The following DPP6 variants were observed in gnomAD, a reference collection of about 807,000 sequenced individuals.
DPP6 encodes A-type potassium channel modulatory protein DPP6.
In DPP6, 69 loss-of-function variants were observed where a neutral mutation model predicts 122.6. That is an observed-to-expected ratio of 0.56 (90% CI 0.46 to 0.69). The LOEUF (loss-of-function observed/expected upper bound fraction) is 0.69. DPP6 is among the 30% of genes least tolerant of loss of function. The pLI is 0.00. For missense variants in DPP6, 928 were observed against 1,116.9 expected (o/e 0.83, Z 2.41); for synonymous variants, 418 against 433.1 (o/e 0.97, Z 0.43).
chr7:154,490,340 C>T (rs1015055818), intron 3 of DPP6, among the ~76,000 whole-genome samples: 1 of 152,194 alleles, frequency 6.6e-6, no homozygotes, highest in Non-Finnish European at 1.5e-5. Flanking sequence ...CAAGATCAGC[C>T]CAGCTCATTA....
chr7:154,422,382 G>A (rs916791880), intron 1 of DPP6, among the ~76,000 whole-genome samples: 8 of 152,160 alleles, frequency 5.3e-5, no homozygotes, highest in African/African-American at 1.9e-4. Flanking sequence ...ATGTGGGTGG[G>A]AACTAGGATA....
intron 1 of DPP6, among the ~76,000 whole-genome samples, chr7:154,056,741 T>G (rs1436182875): frequency 6.6e-6 from 1 of 152,244 alleles, no homozygotes; most frequent in Non-Finnish European, 1.5e-5. Flanking sequence ...CAACCCATTT[T>G]TTTCCTCCAC....
intron 1 of DPP6, among the ~76,000 whole-genome samples, chr7:154,037,271 A>G (rs1799582163): frequency 6.6e-6 from 1 of 152,154 alleles, no homozygotes; most frequent in Non-Finnish European, 1.5e-5. Flanking sequence ...TTTATATTCT[A>G]TGAATTTACT....
chr7:154,018,074 G>A (rs1407611660), intron 1 of DPP6, among the ~76,000 whole-genome samples: 1 of 152,062 alleles, frequency 6.6e-6, no homozygotes, highest in Non-Finnish European at 1.5e-5. Flanking sequence ...AACCAGCTGG[G>A]CACTCAGGGT....
the DPP6 span, among the ~76,000 whole-genome samples, chr7:153,827,553 GC>G: frequency 1.3e-5 from 2 of 152,118 alleles, no homozygotes; most frequent in African/African-American, 4.8e-5. Context: ...TAGTTGAGAG[GC>G]TGACACAAAA....
At chr7:154,652,752 G>T (rs554734940) in intron 6 of DPP6, among the ~76,000 whole-genome samples, 1 of 152,160 alleles carries the variant, frequency 6.6e-6, no homozygotes, top group Admixed American at 6.5e-5. Context: ...TCTTCTGCAT[G>T]TTTTTCACAC....
intron 6 of DPP6, among the ~76,000 whole-genome samples, chr7:154,668,950 C>T (rs118189482): frequency 0.011 from 1,615 of 152,238 alleles, 16 homozygotes; most frequent in Non-Finnish European, 0.016. Flanking sequence ...TCATAATGAC[C>T]TGCGTTATAC....
chr7:154,657,031 T>G lies in DPP6; in HGVS notation c.681-12329T>G, dbSNP rs1298594732. On this transcript the variant is annotated intron_variant, in intron 6 of 25. Coordinates refer to ENST00000377770, the MANE Select transcript of DPP6 (RefSeq NM_130797.4). ...GGTGCCCAGAGATGAGTGGAGAGGC[T>G]GCGTGGGAGGAGGTGCTCATGGGTG... Among the ~76,000 whole-genome samples, 8 of 111,552 alleles carry G rather than the reference T, an allele frequency of 7.2e-5. 2 individuals are homozygous for G. The highest frequency in any genetic ancestry group is 3.7e-4 in the African/African-American group (8 of 21,742). 73.2% of individuals were successfully genotyped at this position (111,552 alleles called of 152,430 possible).
chr7:153,887,800 A>C, intron 1 of DPP6: 2 of 1,567,502 alleles, frequency 1.3e-6, no homozygotes, highest in Non-Finnish European at 1.7e-6. Flanking sequence ...ATGCTGGGGG[A>C]GGTCTGTCCT....
At chr7:153,942,751 ACT>A (rs1801757052) in intron 1 of DPP6, among the ~76,000 whole-genome samples, 1 of 152,044 alleles carries the variant, frequency 6.6e-6, no homozygotes, top group Non-Finnish European at 1.5e-5. Context: ...GCCGCCCCAC[ACT>A]CTGTTCAGGA....
intron 1 of DPP6, among the ~76,000 whole-genome samples, chr7:154,290,702 A>G (rs957233427): frequency 2.0e-5 from 3 of 151,142 alleles, no homozygotes; most frequent in Admixed American, 6.6e-5. Context: ...GTGATGTTCC[A>G]CTTGGCAGCC....
chr7:154,297,607 G>A (rs1805627903), intron 1 of DPP6, among the ~76,000 whole-genome samples: 1 of 152,182 alleles, frequency 6.6e-6, no homozygotes, highest in African/African-American at 2.4e-5. Context: ...ATCAATTTTG[G>A]CTTGGTTGTG....
chr7:154,501,147 A>G (rs1243096977), intron 3 of DPP6, among the ~76,000 whole-genome samples: 1 of 152,194 alleles, frequency 6.6e-6, no homozygotes, highest in Non-Finnish European at 1.5e-5. Context: ...ATTTCTAAGT[A>G]GCAAGGCATT....
chr7:153,859,903 C>G, the DPP6 span, among the ~76,000 whole-genome samples: 1 of 152,092 alleles, frequency 6.6e-6, no homozygotes, highest in East Asian at 1.9e-4. Context: ...TGGGGAAAAC[C>G]ACCCCCATGG....
At chr7:154,418,972 G>A (rs367613364) in intron 1 of DPP6, among the ~76,000 whole-genome samples, 1 of 152,220 alleles carries the variant, frequency 6.6e-6, no homozygotes, top group Non-Finnish European at 1.5e-5. Context: ...TGTGTTTTAG[G>A]CAATTGTGAG....
the DPP6 span, among the ~76,000 whole-genome samples, chr7:153,845,141 C>T: frequency 7.6e-4 from 115 of 152,230 alleles, 2 homozygotes; most frequent in East Asian, 0.021. Context: ...TTTTATTTTA[C>T]AACTTTTTAT....
Position 154,514,457 on chromosome 7 carries a change from T to C in DPP6, c.458-26075T>C, listed in dbSNP as rs546401524. Among the ~76,000 whole-genome samples the C allele has an allele frequency of 3.9e-5, 6 of 152,224 alleles. No homozygotes were observed. In the South Asian group the frequency reaches 1.2e-3, roughly 32 times the overall value. ...TAAAAGTATATACTTTAGTGGTACATTCACATCGCTATGCACCCATCTCCT... is the reference window on the plus strand; with the variant it reads ...TAAAAGTATATACTTTAGTGGTACACTCACATCGCTATGCACCCATCTCCT... On this transcript the variant is annotated intron_variant, in intron 3 of 25. Transcript: ENST00000377770.
At chr7:153,985,458 C>T (rs1271627502) in intron 1 of DPP6, among the ~76,000 whole-genome samples, 3 of 152,288 alleles carry the variant, frequency 2.0e-5, no homozygotes, top group East Asian at 1.9e-4. Context: ...GTCATTGCTC[C>T]CCGGGTGGCC....
At chr7:154,249,472 G>T (rs1393149974) in intron 1 of DPP6, among the ~76,000 whole-genome samples, 1 of 152,158 alleles carries the variant, frequency 6.6e-6, no homozygotes, top group East Asian at 1.9e-4. Flanking sequence ...CAAACATCCG[G>T]TGTTCTGCCT....
Sources: allele counts gnomAD v4.1 joint callset (sites outside exome capture counted in the v4.1 genomes callset), GRCh38; gene constraint gnomAD v4.1.1; transcripts MANE v1.5; gene names NCBI Gene and HGNC (gene_info 2026-07-23, HGNC 2026-07-21).